Variants in TUSC3 observed in about 807,000 individuals in gnomAD.
TUSC3 encodes the protein dolichyl-diphosphooligosaccharide--protein glycosyltransferase subunit TUSC3.
In TUSC3, 45 loss-of-function variants were observed where a neutral mutation model predicts 44.8. The ratio of observed to expected loss-of-function variants is 1.00; its 90% CI spans 0.79 to 1.29. The LOEUF is 1.29. TUSC3 is among the 50% of genes most tolerant of loss of function. The probability of loss-of-function intolerance (pLI) is 0.00; values close to 1 mark genes in which losing one functional copy is unlikely to be tolerated. For synonymous variants in TUSC3, 212 were observed against 152.9 expected (o/e 1.39, Z -2.85); for missense variants, 519 against 437.9 (o/e 1.19, Z -1.65).
At chr8:15,630,153 T>C (rs1805696562) in intron 2 of TUSC3, among the ~76,000 whole-genome samples, 1 of 152,156 alleles carries the variant, frequency 6.6e-6, no homozygotes, top group African/African-American at 2.4e-5. Context: ...CATGGAAGGA[T>C]GTTACTATGG....
rs10087657 is a variant in TUSC3, at chr8:15,512,270, C to T, written n.189+28787C>T. ...GGTGGACTTTGAGTAAAGCAGGTTA[C>T]TCACCATAACGAGGGTGGGCCTCAC... On this transcript the variant is annotated intron_variant and non_coding_transcript_variant, in intron 2 of 5. Coordinates refer to the TUSC3 transcript ENST00000503191. 4.6e-3 allele frequency among the ~76,000 whole-genome samples: 696 copies of T among 152,230 alleles called. 4 individuals carry two copies. Among genetic ancestry groups the T allele is most frequent in the African/African-American group, 0.016 (644 of 41,548 alleles).
At chr8:15,550,084 A>T (rs1802008272) in intron 1 of TUSC3, among the ~76,000 whole-genome samples, 1 of 151,426 alleles carries the variant, frequency 6.6e-6, no homozygotes. Context: ...ATTAGAATGG[A>T]ACAGAACAGG....
chr8:15,708,391 T>G lies in TUSC3; in HGVS notation c.799-22275T>G, dbSNP rs541661686. 1.9e-4 allele frequency among the ~76,000 whole-genome samples: 29 copies of G among 152,018 alleles called. 1 individual carries two copies. In the South Asian group the frequency reaches 5.6e-3, roughly 29 times the overall value. On this transcript the variant is annotated intron_variant, in intron 6 of 10. Coordinates refer to ENST00000503731, the MANE Select transcript of TUSC3 (RefSeq NM_006765.4). ...ACCAGAAGCCTGTAAACCTTTGAGG[T>G]GCATGAGCAGATTTGTATTTTAGAA...
intron 2 of TUSC3, among the ~76,000 whole-genome samples, chr8:15,627,929 C>G (rs1476233458): frequency 6.6e-6 from 1 of 152,182 alleles, no homozygotes; most frequent in Non-Finnish European, 1.5e-5. Context: ...ATCCAGTGGG[C>G]CAGAGTGAAC....
chr8:15,631,560 A>G (rs554524854), intron 2 of TUSC3, among the ~76,000 whole-genome samples: 2 of 152,228 alleles, frequency 1.3e-5, no homozygotes, highest in East Asian at 1.9e-4. Context: ...TTTTAAGTAT[A>G]GGTAAAAGAA....
chr8:15,743,348 A>G (rs1450261176), intron 7 of TUSC3, 190 bp from the exon 8 acceptor site: 3 of 608,214 alleles, frequency 4.9e-6, no homozygotes, highest in East Asian at 5.7e-5. Flanking sequence ...GTTTCAGGTT[A>G]TAAATTTTTA....
At chr8:15,782,396 T>G in the TUSC3 span, among the ~76,000 whole-genome samples, 7 of 152,130 alleles carry the variant, frequency 4.6e-5, no homozygotes, top group Non-Finnish European at 7.4e-5. Flanking sequence ...GGAGAATCAG[T>G]TGGGCTCAGG....
chr8:15,561,914 T>A (rs529451152), intron 1 of TUSC3, among the ~76,000 whole-genome samples: 15 of 152,272 alleles, frequency 9.9e-5, no homozygotes, highest in East Asian at 7.7e-4. Context: ...TGGCACTCCC[T>A]AGTGAGATGA....
intron 7 of TUSC3, among the ~76,000 whole-genome samples, chr8:15,736,526 T>C (rs1433894442): frequency 6.6e-6 from 1 of 152,200 alleles, no homozygotes; most frequent in Non-Finnish European, 1.5e-5. Flanking sequence ...GTTCTTAAAA[T>C]TCAAAACCTC....
At chr8:15,601,633 A>G (rs1452647887) in intron 1 of TUSC3, among the ~76,000 whole-genome samples, 1 of 151,698 alleles carries the variant, frequency 6.6e-6, no homozygotes, top group Non-Finnish European at 1.5e-5. Flanking sequence ...TTTATTACCT[A>G]TTTATAAAAT....
At chr8:15,681,128 A>G (rs568099711) in intron 6 of TUSC3, among the ~76,000 whole-genome samples, 48 of 133,656 alleles carry the variant, frequency 3.6e-4, no homozygotes, top group African/African-American at 1.3e-3. Flanking sequence ...TTCATCCTTG[A>G]TTTTTTTTTT....
intron 1 of TUSC3, among the ~76,000 whole-genome samples, chr8:15,449,208 G>A (rs995491393): frequency 1.3e-5 from 2 of 152,044 alleles, no homozygotes; most frequent in African/African-American, 2.4e-5. Flanking sequence ...TGAAGGAAGC[G>A]GCCAAATATA....
the TUSC3 span, among the ~76,000 whole-genome samples, chr8:15,837,005 A>G: frequency 3.9e-5 from 6 of 152,092 alleles, no homozygotes; most frequent in South Asian, 2.1e-4. Flanking sequence ...TCTATGTTAA[A>G]TAAGGTAGGT....
rs562974219 is a variant in TUSC3 at position 15,443,043 on chromosome 8, T to C, written n.91+25738T>C. On this transcript the variant is annotated intron_variant and non_coding_transcript_variant, in intron 1 of 5. Transcript: ENST00000503191. ...AACCCCTTCACTCCACTGTGGGCTA[T>C]AAATCCTCAGCTGTTTTTGCTATCT... is the stretch of plus-strand genomic sequence containing the variant. Among the ~76,000 whole-genome samples, 8 of 152,344 alleles carry C rather than the reference T, an allele frequency of 5.3e-5. No homozygotes were observed. In the East Asian group the frequency reaches 1.4e-3, roughly 26 times the overall value.
chr8:15,764,763 A>G lies in TUSC3; in HGVS notation c.*607A>G, dbSNP rs998068376. 3.3e-5 allele frequency: 5 copies of G among 152,750 alleles called. No individual in the cohort carries two copies. Among genetic ancestry groups the G allele is most frequent in the African/African-American group, 4.8e-5 (2 of 41,436 alleles). The allele number at this position is 152,750 out of a possible 1,614,324, so 9.5% of individuals were successfully genotyped here. A position where few individuals can be genotyped will look rare whatever the true frequency, so the allele number is the denominator to read the frequency against. ...CAATTTGGATGCCTAACCAAGGACT[A>G]GAGCTCCTTCTTGAGATCTAAATCT... On this transcript the variant is annotated 3_prime_UTR_variant, in exon 11 of 11. Coordinates refer to ENST00000503731, the MANE Select transcript of TUSC3 (RefSeq NM_006765.4).
chr8:15,841,779 G>A, the TUSC3 span, among the ~76,000 whole-genome samples: 1 of 152,162 alleles, frequency 6.6e-6, no homozygotes, highest in Non-Finnish European at 1.5e-5. Context: ...CTCCCAAAGT[G>A]CTGCGATTAC....
the TUSC3 span, among the ~76,000 whole-genome samples, chr8:15,801,153 C>A: frequency 2.6e-5 from 4 of 152,090 alleles, no homozygotes; most frequent in East Asian, 7.7e-4. Context: ...TGCTGGTTGC[C>A]CATTTTTAAT....
At chr8:15,811,180 G>C in the TUSC3 span, among the ~76,000 whole-genome samples, 1 of 152,152 alleles carries the variant, frequency 6.6e-6, no homozygotes, top group Non-Finnish European at 1.5e-5. Flanking sequence ...CTATTGATTA[G>C]GGTAAGCAAA....
intron 2 of TUSC3, among the ~76,000 whole-genome samples, chr8:15,520,168 C>G (rs553139421): frequency 8.5e-4 from 129 of 152,244 alleles, no homozygotes; most frequent in African/African-American, 2.8e-3. Context: ...AGTAAGCACC[C>G]CTTTTCTGCA....
Sources: gnomAD v4.1 joint callset for allele counts (sites outside exome capture counted in the v4.1 genomes callset) on GRCh38, gnomAD v4.1.1 for gene constraint, MANE v1.5 for transcripts, NCBI Gene and HGNC (gene_info 2026-07-23, HGNC 2026-07-21) for gene names.